NCKAP5: variants seen among roughly 807,000 people sequenced by gnomAD.
The protein encoded by NCKAP5 is nck-associated protein 5.
NCKAP5 carries 92 observed loss-of-function variants against 167.0 expected under a neutral mutation model. That is an observed-to-expected ratio of 0.55 (90% CI 0.47 to 0.66). NCKAP5 has a LOEUF of 0.66. Ranked by LOEUF, NCKAP5 falls within the 30% of genes least tolerant of loss-of-function variation. The pLI, the probability that NCKAP5 is intolerant of heterozygous loss-of-function variation, is 0.00. For synonymous variants in NCKAP5, 891 were observed against 877.4 expected, an observed-to-expected ratio of 1.02 and a Z score of -0.27; for missense variants, 2,378 against 2,315.0, an observed-to-expected ratio of 1.03 and a Z score of -0.56.
chr2:132,813,462 T>C (rs559867017), intron 11 of NCKAP5, among the ~76,000 whole-genome samples: 43 of 152,320 alleles, frequency 2.8e-4, no homozygotes, highest in Non-Finnish European at 2.9e-5. Context: ...ACAGCTTTTA[T>C]GCCTTCTCAG....
intron 8 of NCKAP5, among the ~76,000 whole-genome samples, chr2:132,932,981 G>C: frequency 6.9e-6 from 1 of 145,216 alleles, no homozygotes; most frequent in Non-Finnish European, 1.5e-5. Flanking sequence ...CTGGAGTGCA[G>C]TGGAACGATC....
intron 5 of NCKAP5, among the ~76,000 whole-genome samples, chr2:133,132,675 AT>A (rs35497758): frequency 0.038 from 5,274 of 139,260 alleles, 163 homozygotes; most frequent in African/African-American, 0.11. Context: ...TTTGTACCCA[AT>A]TTTTTTTTTT....
intron 6 of NCKAP5, among the ~76,000 whole-genome samples, chr2:133,055,714 C>T (rs1184633366): frequency 6.6e-6 from 1 of 152,034 alleles, no homozygotes; most frequent in Non-Finnish European, 1.5e-5. Context: ...GATCTATCTA[C>T]TAGTTATTTT....
intron 6 of NCKAP5, among the ~76,000 whole-genome samples, chr2:133,005,619 G>A (rs566621869): frequency 3.3e-5 from 5 of 152,100 alleles, no homozygotes; most frequent in South Asian, 4.2e-4. Flanking sequence ...CTGATACCAC[G>A]CAAAAAGGAC....
chr2:133,434,571 A>G (rs1243325655), intron 3 of NCKAP5, among the ~76,000 whole-genome samples: 1 of 152,186 alleles, frequency 6.6e-6, no homozygotes, highest in Non-Finnish European at 1.5e-5. Flanking sequence ...TATCTATCTC[A>G]TAGTGTTGTT....
At chr2:133,329,814 G>T (rs1682706415) in intron 3 of NCKAP5, among the ~76,000 whole-genome samples, 1 of 152,102 alleles carries the variant, frequency 6.6e-6, no homozygotes, top group Admixed American at 6.5e-5. Flanking sequence ...AGGAGTGGTT[G>T]CCCAAGACCC....
At chr2:133,380,396 T>C (rs1686436056) in intron 3 of NCKAP5, among the ~76,000 whole-genome samples, 1 of 152,336 alleles carries the variant, frequency 6.6e-6, no homozygotes, top group East Asian at 1.9e-4. Context: ...TTGTGGTATA[T>C]ATTGAGTGTT....
chr2:133,151,678 A>G (rs2083390485), intron 5 of NCKAP5, among the ~76,000 whole-genome samples: 1 of 152,246 alleles, frequency 6.6e-6, no homozygotes, highest in African/African-American at 2.4e-5. Context: ...GTGAAAGTAT[A>G]AAATGGTACA....
chr2:133,419,949 T>G (rs184055975), intron 3 of NCKAP5, among the ~76,000 whole-genome samples: 1 of 152,332 alleles, frequency 6.6e-6, no homozygotes, highest in East Asian at 1.9e-4. Flanking sequence ...CATAAGACTC[T>G]AAACATTGCT....
At chr2:132,788,994 T>C (rs1683829699) in intron 13 of NCKAP5, among the ~76,000 whole-genome samples, 1 of 152,160 alleles carries the variant, frequency 6.6e-6, no homozygotes, top group African/African-American at 2.4e-5. Flanking sequence ...TCCATGACCA[T>C]GACAGAGCCC....
At chr2:133,313,962 C>T (rs181895792) in intron 3 of NCKAP5, among the ~76,000 whole-genome samples, 28 of 152,262 alleles carry the variant, frequency 1.8e-4, no homozygotes, top group African/African-American at 6.5e-4. Context: ...AGGAATTGAC[C>T]AATGATCCAT....
the NCKAP5 span, among the ~76,000 whole-genome samples, chr2:133,636,556 G>A: frequency 1.3e-5 from 2 of 152,192 alleles, no homozygotes; most frequent in Admixed American, 6.5e-5. Flanking sequence ...GTTAAAGAGT[G>A]AATAGGAGCA....
intron 3 of NCKAP5, among the ~76,000 whole-genome samples, chr2:133,392,871 A>T (rs1215741860): frequency 6.6e-6 from 1 of 152,198 alleles, no homozygotes; most frequent in Non-Finnish European, 1.5e-5. Flanking sequence ...GATCATGTGT[A>T]TTACTGAATC....
intron 3 of NCKAP5, among the ~76,000 whole-genome samples, chr2:133,343,898 A>G (rs954876651): frequency 7.2e-5 from 11 of 152,194 alleles, no homozygotes; most frequent in Non-Finnish European, 1.5e-4. Flanking sequence ...CAGTCTAACA[A>G]TGTGATGTCA....
At chr2:132,984,325 C>A (rs913579543) in intron 7 of NCKAP5, among the ~76,000 whole-genome samples, 1 of 152,166 alleles carries the variant, frequency 6.6e-6, no homozygotes, top group Non-Finnish European at 1.5e-5. Flanking sequence ...ACAGCCCAAT[C>A]CCTTGTCTTA....
At chr2:132,781,547 A>G (rs1683033961) in intron 14 of NCKAP5, among the ~76,000 whole-genome samples, 1 of 152,216 alleles carries the variant, frequency 6.6e-6, no homozygotes, top group South Asian at 2.1e-4. Context: ...TTATTTCTGG[A>G]AAGTTTCCAA....
At chr2:133,208,141 C>A (rs2086043653) in intron 5 of NCKAP5, among the ~76,000 whole-genome samples, 2 of 152,076 alleles carry the variant, frequency 1.3e-5, no homozygotes. Flanking sequence ...AGGTTCGAGA[C>A]CAGCCTGGAC....
At chr2:132,969,470 G>A in intron 7 of NCKAP5, among the ~76,000 whole-genome samples, 1 of 152,180 alleles carries the variant, frequency 6.6e-6, no homozygotes, top group East Asian at 1.9e-4. Context: ...AACACCAGTA[G>A]GGAGGTAGGG....
At chr2:133,513,227 C>A (rs951655659) in intron 3 of NCKAP5, among the ~76,000 whole-genome samples, 1 of 152,144 alleles carries the variant, frequency 6.6e-6, no homozygotes, top group African/African-American at 2.4e-5. Flanking sequence ...AGAAAAGGTG[C>A]CAGAACATAG....
Sources: allele counts gnomAD v4.1 joint callset (sites outside exome capture counted in the v4.1 genomes callset), GRCh38; gene constraint gnomAD v4.1.1; transcripts MANE v1.5; gene names NCBI Gene and HGNC (gene_info 2026-07-23, HGNC 2026-07-21).